The following CXCL16 variants were observed in gnomAD, a reference collection of about 807,000 sequenced individuals.
The protein encoded by CXCL16 is C-X-C motif chemokine 16.
CXCL16 carries 18 observed loss-of-function variants against 23.8 expected under a neutral mutation model. The observed-to-expected ratio is 0.76, with a 90% CI of 0.52 to 1.12. The LOEUF is 1.12. Ranked by LOEUF, CXCL16 falls within the 50% of genes most tolerant of loss-of-function variation. The pLI, the probability that CXCL16 is intolerant of heterozygous loss-of-function variation, is 0.00. For synonymous variants in CXCL16, 123 were observed against 132.5 expected (o/e 0.93, Z 0.49); for missense variants, 297 against 315.4 (o/e 0.94, Z 0.44).
Position 4,738,003 on chromosome 17 carries a change from G to A in CXCL16, c.301+405C>T, listed in dbSNP as rs1467873957. 1.3e-5 allele frequency among the ~76,000 whole-genome samples: 2 copies of A among 148,770 alleles called. No individual in the cohort carries two copies. Among genetic ancestry groups the A allele is most frequent in the Non-Finnish European group, 3.0e-5 (2 of 66,666 alleles). On this transcript the variant is annotated intron_variant, in intron 3 of 5. Coordinates refer to ENST00000293778, the MANE Select transcript of CXCL16 (RefSeq NM_001386809.1). This position sits in a 1 kb window ranked among gnomAD's most constrained non-coding sequence, Gnocchi z 4.0. ...AAATTAGCCAGGCTTGGTGGTGCGC[G>A]CCTGTAATCCCAGCTACTCAGGAGG... is the stretch of plus-strand genomic sequence containing the variant.
At position 4,739,037 on chromosome 17, in the gene CXCL16, C is replaced by A; in HGVS notation, c.80-117G>T. 7.4e-7 allele frequency: 1 copy of A among 1,348,138 alleles called. No individual in the cohort carries two copies. Among genetic ancestry groups the A allele is most frequent in the Non-Finnish European group, 1.0e-6 (1 of 994,092 alleles). The allele number at this position is 1,348,138 out of a possible 1,614,324, so 83.5% of individuals were successfully genotyped here. A position where few individuals can be genotyped will look rare whatever the true frequency, so the allele number is the denominator to read the frequency against. On this transcript the variant is annotated intron_variant, in intron 1 of 5. Coordinates refer to ENST00000293778, the MANE Select transcript of CXCL16 (RefSeq NM_001386809.1). The surrounding 1 kb of genome is among the most constrained non-coding windows in gnomAD (Gnocchi z 5.3). ...CCTCTCGGTGGACCCAGGGTCAGAG[C>A]GCCAGGCTCAACCCACACATCATCA...
chr17:4,738,672 TG>T lies in CXCL16; in HGVS notation c.218+109del. 1 of 1,224,452 alleles carries T rather than the reference TG, an allele frequency of 8.2e-7. No homozygotes were observed. The highest frequency in any genetic ancestry group is 1.1e-6 in the Non-Finnish European group (1 of 870,930). The allele number at this position is 1,224,452 out of a possible 1,614,324, so 75.8% of individuals were successfully genotyped here. On this transcript the variant is annotated intron_variant, in intron 2 of 5. Transcript: ENST00000293778. The surrounding 1 kb of genome is among the most constrained non-coding windows in gnomAD (Gnocchi z 4.0). ...AATGAGAGCAAACGGAACCCGGAGA[TG>T]GGGCTCGGTGAGCCGGGAAGGAGTT...
Position 4,738,527 on chromosome 17 carries a change from T to C in CXCL16, c.219-37A>G. The stretch of plus-strand genomic sequence containing the variant: ...AGACCTGGGCTTAGCTGCGGCGCCT[T>C]CTTTCCTTCCCCGGCTCCTTCCTCA... On this transcript the variant is annotated intron_variant, in intron 2 of 5. Transcript: ENST00000293778. This position sits in a 1 kb window ranked among gnomAD's most constrained non-coding sequence, Gnocchi z 4.0. 2 of 1,514,372 alleles carry C rather than the reference T, an allele frequency of 1.3e-6. No homozygotes were observed. The highest frequency in any genetic ancestry group is 2.3e-5 in the East Asian group (1 of 44,296). The allele number at this position is 1,514,372 out of a possible 1,614,324, so 93.8% of individuals were successfully genotyped here.
At chr17:4,734,717 G>A in intron 4 of CXCL16, 65 bp from the exon 5 acceptor site, 1 of 1,304,356 alleles carries the variant, frequency 7.7e-7, no homozygotes, top group Non-Finnish European at 1.1e-6. Context: ...GGGGATGATA[G>A]CTTGAACTAG....
At position 4,738,635 on chromosome 17, in the gene CXCL16, G is replaced by A. The variant is rs920991452; in HGVS notation, c.219-145C>T. On this transcript the variant is annotated intron_variant, in intron 2 of 5. Coordinates refer to ENST00000293778, the MANE Select transcript of CXCL16 (RefSeq NM_001386809.1). This position sits in a 1 kb window ranked among gnomAD's most constrained non-coding sequence, Gnocchi z 4.0. ...TCCCCAGTAGGTGAGACGGAGTCAT[G>A]AAGTTTCGGGGAATGAGAGCAAACG... The A allele has an allele frequency of 2.0e-5, 20 of 1,021,912 alleles. No homozygotes were observed. The highest frequency in any genetic ancestry group is 2.7e-5 in the Non-Finnish European group (19 of 695,470). 63.3% of individuals were successfully genotyped at this position (1,021,912 alleles called of 1,614,324 possible). A position where few individuals can be genotyped will look rare whatever the true frequency, so the allele number is the denominator to read the frequency against.
Position 4,734,000 on chromosome 17 carries a change from G to C in CXCL16, c.*503C>G, listed in dbSNP as rs1410608031. On this transcript the variant is annotated 3_prime_UTR_variant, in exon 6 of 6. Transcript: ENST00000293778. ...CTGGGTGGGCAGATCACCAGGTCAG[G>C]AGTTCGAGACCAGCCTGGTCAACAT... 1 of 153,390 alleles carries C rather than the reference G, an allele frequency of 6.5e-6. No individual in the cohort carries two copies. Among genetic ancestry groups the C allele is most frequent in the Non-Finnish European group, 1.5e-5 (1 of 68,738 alleles). The allele number at this position is 153,390 out of a possible 1,614,324, so 9.5% of individuals were successfully genotyped here.
intron 3 of CXCL16, among the ~76,000 whole-genome samples, chr17:4,737,659 TAATA>T (rs778179303): frequency 6.7e-6 from 1 of 149,288 alleles, no homozygotes; most frequent in Non-Finnish European, 1.5e-5. Context: ...GATGGATACT[TAATA>T]AAGCAAATAT....
chr17:4,736,897 C>CA (rs1281708831), intron 3 of CXCL16, among the ~76,000 whole-genome samples: 1 of 152,140 alleles, frequency 6.6e-6, no homozygotes, highest in Non-Finnish European at 1.5e-5. Flanking sequence ...CGGCTCACTG[C>CA]AACCTCCGCC....
chr17:4,737,575 TAAAAAAAAAA>T (rs55694753), intron 3 of CXCL16, among the ~76,000 whole-genome samples: 22 of 42,034 alleles, frequency 5.2e-4, no homozygotes, highest in African/African-American at 1.8e-3. Flanking sequence ...AAGACTCCAT[TAAAAAAAAAA>T]AAAAAAAAAA....
In CXCL16 at chr17:4,739,280, C is replaced by CAGCAGG. The variant is rs770902327; in HGVS notation, c.54_59dup (p.Leu19_Leu20dup). 3.1e-6 allele frequency: 5 copies of CAGCAGG among 1,607,940 alleles called. No individual in the cohort carries two copies. The highest frequency in any genetic ancestry group is 4.2e-6 in the Non-Finnish European group (5 of 1,177,240). ...GCTAACCTGGCTGAGTCAGGTACAC[C>CAGCAGG]AGCAGGAGCAGAAGCAGGAGCAGGA... On this transcript the variant is annotated inframe_insertion, in exon 1 of 6. Coordinates refer to ENST00000293778, the MANE Select transcript of CXCL16 (RefSeq NM_001386809.1). The surrounding 1 kb of genome is among the most constrained non-coding windows in gnomAD (Gnocchi z 5.3).
chr17:4,739,492 C>A lies in CXCL16; in HGVS notation c.-153G>T, dbSNP rs2304970. The A allele has an allele frequency of 0.55, 617,967 of 1,125,220 alleles. 171,660 individuals are homozygous for A. The highest frequency in any genetic ancestry group is 0.62 in the Admixed American group (28,251 of 45,824). 69.7% of individuals were successfully genotyped at this position (1,125,220 alleles called of 1,614,324 possible). A position where few individuals can be genotyped will look rare whatever the true frequency, so the allele number is the denominator to read the frequency against. On this transcript the variant is annotated 5_prime_UTR_variant, in exon 1 of 6. Coordinates refer to ENST00000293778, the MANE Select transcript of CXCL16 (RefSeq NM_001386809.1). The surrounding 1 kb of genome is among the most constrained non-coding windows in gnomAD (Gnocchi z 5.3). ...GAGGAGGCGCGAGCCAGCTGCACCC[C>A]CCGGCCCTGCTGTGCCCCGACCGTG...
intron 4 of CXCL16, 100 bp downstream of exon 4, chr17:4,734,992 T>G: frequency 1.3e-5 from 15 of 1,165,104 alleles, no homozygotes; most frequent in Non-Finnish European, 1.8e-5. Context: ...GATACTTGTG[T>G]GCCAAGGCCA....
At position 4,739,416 on chromosome 17, in the gene CXCL16, A is replaced by C; in HGVS notation, c.-77T>G. The C allele has an allele frequency of 6.2e-7, 1 of 1,607,084 alleles. No homozygotes were observed. The highest frequency in any genetic ancestry group is 8.5e-7 in the Non-Finnish European group (1 of 1,177,152). ...AGACATGCTCCGGCGCGTGACGTCC[A>C]GCTGGTGTCTCAATGGCTTTCGCCG... On this transcript the variant is annotated 5_prime_UTR_variant, in exon 1 of 6. Coordinates refer to ENST00000293778, the MANE Select transcript of CXCL16 (RefSeq NM_001386809.1). This position sits in a 1 kb window ranked among gnomAD's most constrained non-coding sequence, Gnocchi z 5.3.
At position 4,733,891 on chromosome 17, in the gene CXCL16, AC is replaced by A. The variant is rs1285170328; in HGVS notation, c.*611del. On this transcript the variant is annotated 3_prime_UTR_variant, in exon 6 of 6. Coordinates refer to ENST00000293778, the MANE Select transcript of CXCL16 (RefSeq NM_001386809.1). ...TTTCCATAAAGAAGACTCAATCATTACAAAAATAATTTTTAGTAGTTAAAAA... is the reference window on the plus strand; with the variant it reads ...TTTCCATAAAGAAGACTCAATCATTAAAAAATAATTTTTAGTAGTTAAAAA... The A allele has an allele frequency of 2.0e-5, 3 of 152,518 alleles. No homozygotes were observed. The highest frequency in any genetic ancestry group is 4.4e-5 in the Non-Finnish European group (3 of 68,184). 9.4% of individuals were successfully genotyped at this position (152,518 alleles called of 1,614,324 possible).
rs1004117828 is a variant in CXCL16, at chr17:4,738,583, G to A, written c.219-93C>T. On this transcript the variant is annotated intron_variant, in intron 2 of 5. Transcript: ENST00000293778. The surrounding 1 kb of genome is among the most constrained non-coding windows in gnomAD (Gnocchi z 4.0). ...GAGGCGTGAAGTTGCCACCAAGAAA[G>A]AGCCCTTTCTCCTGGGACTGGGAAA... The A allele has an allele frequency of 8.1e-6, 9 of 1,113,726 alleles. No individual in the cohort carries two copies. The highest frequency in any genetic ancestry group is 1.2e-5 in the Non-Finnish European group (9 of 762,520). 69.0% of individuals were successfully genotyped at this position (1,113,726 alleles called of 1,614,324 possible).
Position 4,739,557 on chromosome 17 carries a change from C to T in CXCL16, c.-218G>A, listed in dbSNP as rs892617474. ...CCCGCGCCATGCCAGCCTCTGGACG[C>T]AGGGAAAGCCGAGGAGGTGGAGCTC... On this transcript the variant is annotated 5_prime_UTR_variant, in exon 1 of 6. Coordinates refer to ENST00000293778, the MANE Select transcript of CXCL16 (RefSeq NM_001386809.1). The surrounding 1 kb of genome is among the most constrained non-coding windows in gnomAD (Gnocchi z 5.3). 2 of 714,670 alleles carry T rather than the reference C, an allele frequency of 2.8e-6. No homozygotes were observed. The highest frequency in any genetic ancestry group is 3.8e-5 in the African/African-American group (2 of 52,588). 44.3% of individuals were successfully genotyped at this position (714,670 alleles called of 1,614,324 possible). A position where few individuals can be genotyped will look rare whatever the true frequency, so the allele number is the denominator to read the frequency against.
intron 3 of CXCL16, among the ~76,000 whole-genome samples, chr17:4,737,107 G>A (rs937170024): frequency 4.0e-5 from 6 of 151,864 alleles, no homozygotes; most frequent in Admixed American, 6.6e-5. Context: ...GTGAGCCACC[G>A]TCCTGGCCTC....
Position 4,739,928 on chromosome 17 carries a change from C to G in CXCL16, c.-589G>C, listed in dbSNP as rs1916305238. The G allele has an allele frequency of 1.9e-5, 19 of 985,174 alleles. No individual in the cohort carries two copies. Among genetic ancestry groups the G allele is most frequent in the Non-Finnish European group, 2.2e-5 (18 of 830,000 alleles). The allele number at this position is 985,174 out of a possible 1,614,324, so 61.0% of individuals were successfully genotyped here. On this transcript the variant is annotated 5_prime_UTR_variant, in exon 1 of 6. Transcript: ENST00000293778. The surrounding 1 kb of genome is among the most constrained non-coding windows in gnomAD (Gnocchi z 5.3). Reference sequence around the variant, plus strand: ...GCGGGGCAGCCACCCGCGGACGCACCGAGCCCGGGGGGCGTGGCCGCCCGC... The same window carrying G: ...GCGGGGCAGCCACCCGCGGACGCACGGAGCCCGGGGGGCGTGGCCGCCCGC...
chr17:4,738,316 C>T lies in CXCL16; in HGVS notation c.301+92G>A. ...AGAAGAAGGTTCTAGGAATGTGCGG[C>T]CCCAGGGGAAAAGGCTCAGGTAAAG... On this transcript the variant is annotated intron_variant, in intron 3 of 5. Coordinates refer to ENST00000293778, the MANE Select transcript of CXCL16 (RefSeq NM_001386809.1). The surrounding 1 kb of genome is among the most constrained non-coding windows in gnomAD (Gnocchi z 4.0). 4.1e-6 allele frequency: 4 copies of T among 967,466 alleles called. No individual in the cohort carries two copies. Among genetic ancestry groups the T allele is most frequent in the Admixed American group, 3.9e-5 (2 of 51,926 alleles). 59.9% of individuals were successfully genotyped at this position (967,466 alleles called of 1,614,324 possible). A position where few individuals can be genotyped will look rare whatever the true frequency, so the allele number is the denominator to read the frequency against.
Sources: gnomAD v4.1 joint callset for allele counts (sites outside exome capture counted in the v4.1 genomes callset) on GRCh38, gnomAD v4.1.1 for gene constraint, Gnocchi (gnomAD v3.1) non-coding constraint, MANE v1.5 for transcripts, NCBI Gene and HGNC (gene_info 2026-07-23, HGNC 2026-07-21) for gene names.